FBXL4: variants seen among roughly 807,000 people sequenced by gnomAD.
The protein encoded by FBXL4 is F-box and leucine rich repeat protein 4.
A neutral mutation model predicts 58.9 loss-of-function variants in FBXL4; 40 were observed. That is an observed-to-expected ratio of 0.68 (90% CI 0.53 to 0.88). FBXL4 has a LOEUF of 0.88. Among genes scored for constraint, FBXL4 ranks in the 40% least tolerant of loss-of-function variants. The probability of loss-of-function intolerance (pLI) is 0.00; values close to 1 mark genes in which losing one functional copy is unlikely to be tolerated. For missense variants in FBXL4, 676 were observed against 734.4 expected (o/e 0.92, Z 0.92); for synonymous variants, 263 against 265.5 (o/e 0.99, Z 0.09).
chr6:98,928,897 T>A (rs962546349), intron 2 of FBXL4, among the ~76,000 whole-genome samples: 2 of 152,208 alleles, frequency 1.3e-5, no homozygotes, highest in Admixed American at 1.3e-4. Flanking sequence ...TATCATTTCT[T>A]TTCCAACCAC....
intron 2 of FBXL4, among the ~76,000 whole-genome samples, chr6:98,931,622 T>C (rs560608979): frequency 7.2e-5 from 11 of 152,332 alleles, no homozygotes; most frequent in Admixed American, 1.3e-4. Flanking sequence ...GAAAATGTTA[T>C]AGAAGTTAAA....
chr6:98,941,769 T>C (rs568352033), intron 1 of FBXL4, among the ~76,000 whole-genome samples: 3 of 152,286 alleles, frequency 2.0e-5, no homozygotes, highest in South Asian at 2.1e-4. Flanking sequence ...TATGTCTGAA[T>C]AGAATTAACC....
In FBXL4 at chr6:98,917,628, T is replaced by C; in HGVS notation, c.604A>G (p.Thr202Ala). 6.2e-7 allele frequency: 1 copy of C among 1,613,964 alleles called. No homozygotes were observed. Among genetic ancestry groups the C allele is most frequent in the South Asian group, 1.1e-5 (1 of 91,062 alleles). ...TTTACTTCCAGTCGTATAAGATTTG[T>C]GGGGAAATTTATCTGCTTAATACAA... ...KPCIKQINFP[T>A]NLIRLEVNSS... The change falls in exon 5 of 10, where the codon ACA (threonine) becomes GCA (alanine). Residue 202 changes from threonine to alanine, a missense_variant. Coordinates refer to ENST00000369244, the MANE Select transcript of FBXL4 (RefSeq NM_001278716.2).
At chr6:98,876,933 T>G (rs1375101664) in intron 8 of FBXL4, among the ~76,000 whole-genome samples, 2 of 152,122 alleles carry the variant, frequency 1.3e-5, no homozygotes, top group Non-Finnish European at 2.9e-5. Context: ...AGGAGTGACA[T>G]ATTATTATTT....
At chr6:98,910,448 T>C (rs1035098730) in intron 5 of FBXL4, among the ~76,000 whole-genome samples, 8 of 151,900 alleles carry the variant, frequency 5.3e-5, no homozygotes, top group Admixed American at 4.6e-4. Context: ...GGTCAGGAGA[T>C]CGAGACAATA....
At chr6:98,889,515 T>C (rs1254309340) in intron 7 of FBXL4, among the ~76,000 whole-genome samples, 1 of 151,908 alleles carries the variant, frequency 6.6e-6, no homozygotes, top group African/African-American at 2.4e-5. Flanking sequence ...ACCCCATCTC[T>C]ACAAAAAATA....
chr6:98,912,522 C>A (rs1052698556), intron 5 of FBXL4, among the ~76,000 whole-genome samples: 1 of 152,132 alleles, frequency 6.6e-6, no homozygotes, highest in Non-Finnish European at 1.5e-5. Flanking sequence ...GGCCAATATT[C>A]AACATTCTTA....
At chr6:98,926,334 C>A (rs1772777847) in intron 4 of FBXL4, 143 bp downstream of exon 4, 2 of 745,062 alleles carry the variant, frequency 2.7e-6, no homozygotes, top group Non-Finnish European at 4.3e-6. Context: ...GATCTCTCTT[C>A]CCCATCAGAA....
At chr6:98,936,745 G>A (rs1037806565) in intron 1 of FBXL4, among the ~76,000 whole-genome samples, 2 of 152,064 alleles carry the variant, frequency 1.3e-5, no homozygotes, top group African/African-American at 4.8e-5. Flanking sequence ...TCAACCATAG[G>A]CTATTCAGTG....
intron 1 of FBXL4, among the ~76,000 whole-genome samples, chr6:98,946,528 T>C (rs1773624362): frequency 6.6e-6 from 1 of 152,228 alleles, no homozygotes; most frequent in South Asian, 2.1e-4. Context: ...TTTTGTTAAC[T>C]GACCATATGT....
At chr6:98,906,892 G>A (rs1407189089) in intron 5 of FBXL4, among the ~76,000 whole-genome samples, 3 of 152,100 alleles carry the variant, frequency 2.0e-5, no homozygotes, top group Non-Finnish European at 2.9e-5. Flanking sequence ...ATCTCATTGT[G>A]ATTTTGATTT....
intron 7 of FBXL4, among the ~76,000 whole-genome samples, chr6:98,889,965 C>T (rs1027975702): frequency 2.0e-5 from 3 of 152,036 alleles, no homozygotes; most frequent in African/African-American, 7.2e-5. Context: ...ATAAAAATAA[C>T]CAATATTTAT....
chr6:98,891,545 C>A (rs1771226115), intron 7 of FBXL4, among the ~76,000 whole-genome samples: 1 of 152,016 alleles, frequency 6.6e-6, no homozygotes. Flanking sequence ...AGATACTCGA[C>A]TGATCAATTT....
At chr6:98,899,186 C>G (rs1207076628) in intron 7 of FBXL4, 82 bp downstream of exon 7, 1 of 1,554,362 alleles carries the variant, frequency 6.4e-7, no homozygotes, top group Non-Finnish European at 8.7e-7. Flanking sequence ...ATAAAAAACA[C>G]ATTATTATGA....
intron 1 of FBXL4, among the ~76,000 whole-genome samples, chr6:98,942,216 A>G (rs1773458987): frequency 6.6e-6 from 1 of 152,110 alleles, no homozygotes; most frequent in Non-Finnish European, 1.5e-5. Flanking sequence ...AAAAAACAAC[A>G]GAATTAAATA....
intron 4 of FBXL4, among the ~76,000 whole-genome samples, chr6:98,921,503 C>T (rs1279323415): frequency 6.6e-6 from 1 of 151,754 alleles, no homozygotes; most frequent in Non-Finnish European, 1.5e-5. Context: ...ATAAAAGTAA[C>T]AAGTATTCTG....
chr6:98,920,063 T>C (rs1772520712), intron 4 of FBXL4, among the ~76,000 whole-genome samples: 2 of 152,166 alleles, frequency 1.3e-5, no homozygotes, highest in Non-Finnish European at 2.9e-5. Context: ...GCCAAGTTCT[T>C]AGCAATAAAT....
intron 5 of FBXL4, among the ~76,000 whole-genome samples, chr6:98,913,193 T>G (rs1395235862): frequency 1.3e-5 from 2 of 152,168 alleles, no homozygotes; most frequent in African/African-American, 4.8e-5. Flanking sequence ...CTCAGTGACC[T>G]AAAAGAGACT....
At chr6:98,901,503 T>A (rs1342409716) in intron 6 of FBXL4, among the ~76,000 whole-genome samples, 1 of 152,144 alleles carries the variant, frequency 6.6e-6, no homozygotes, top group Non-Finnish European at 1.5e-5. Context: ...CCCAACTTGA[T>A]TTAATGAATG....
Sources: gnomAD v4.1 joint callset for allele counts (sites outside exome capture counted in the v4.1 genomes callset) on GRCh38, gnomAD v4.1.1 for gene constraint, MANE v1.5 for transcripts, NCBI Gene and HGNC (gene_info 2026-07-23, HGNC 2026-07-21) for gene names.